The following EPAS1 variants were observed in gnomAD, a reference collection of about 807,000 sequenced individuals.
EPAS1 encodes the protein endothelial PAS domain protein 1, also known as endothelial PAS domain-containing protein 1.
A neutral mutation model predicts 87.9 loss-of-function variants in EPAS1; 23 were observed. The observed-to-expected ratio is 0.26, with a 90% CI of 0.19 to 0.37. The LOEUF is 0.37. Ranked by LOEUF, EPAS1 falls within the 10% of genes least tolerant of loss-of-function variation. EPAS1 has a pLI of 1.00. For missense variants in EPAS1, 1,138 were observed against 1,120.7 expected, an observed-to-expected ratio of 1.02 and a Z score of -0.22; for synonymous variants, 508 against 444.3, an observed-to-expected ratio of 1.14 and a Z score of -1.80.
intron 6 of EPAS1, among the ~76,000 whole-genome samples, chr2:46,367,653 C>T (rs1260339245): frequency 6.6e-6 from 1 of 152,234 alleles, no homozygotes; most frequent in Non-Finnish European, 1.5e-5. Flanking sequence ...CGGGACAGAT[C>T]CTTCTGCTCT....
Position 46,381,653 on chromosome 2 carries a change from C to T in EPAS1, c.2103C>T (p.Ala701=), listed in dbSNP as rs371863860. 3.7e-6 allele frequency: 6 copies of T among 1,613,928 alleles called. No individual in the cohort carries two copies. The South Asian group carries it at 6.6e-5, about 18-fold the overall frequency. The change falls in exon 13 of 16, where the codon GCC becomes GCT. Residue 701 remains alanine (A), a synonymous_variant. Coordinates refer to ENST00000263734, the MANE Select transcript of EPAS1 (RefSeq NM_001430.5). ...GPDVLSPAMV[A]LSNKLKLKRQ... ...ACGTGCTGAGTCCGGCCATGGTAGC[C>T]CTCTCCAACAAGCTGAAGCTGAAGC...
At chr2:46,302,187 A>G (rs1413009292) in intron 1 of EPAS1, among the ~76,000 whole-genome samples, 1 of 148,088 alleles carries the variant, frequency 6.8e-6, no homozygotes, top group Non-Finnish European at 1.5e-5. Context: ...GTGATTCTCA[A>G]CTTTCTAGGA....
intron 2 of EPAS1, among the ~76,000 whole-genome samples, chr2:46,354,374 T>C (rs1684226402): frequency 6.6e-6 from 1 of 152,090 alleles, no homozygotes; most frequent in African/African-American, 2.4e-5. Context: ...TTGATTGATG[T>C]TTGCACTGGA....
chr2:46,380,111 G>A lies in EPAS1; in HGVS notation c.1555-116G>A. ...CCCTCGGGAGCCAGTGGAGGCGTTTGAGCAGCACTGTGAAACAGTGCTTGA... is the reference window on the plus strand; with the variant it reads ...CCCTCGGGAGCCAGTGGAGGCGTTTAAGCAGCACTGTGAAACAGTGCTTGA... On this transcript the variant is annotated intron_variant, in intron 11 of 15. Coordinates refer to ENST00000263734, the MANE Select transcript of EPAS1 (RefSeq NM_001430.5). The surrounding 1 kb of genome is among the most constrained non-coding windows in gnomAD (Gnocchi z 4.4). 6.4e-7 allele frequency: 1 copy of A among 1,556,794 alleles called. No individual in the cohort carries two copies. Among genetic ancestry groups the A allele is most frequent in the East Asian group, 2.2e-5 (1 of 44,672 alleles).
At chr2:46,373,961 T>C (rs1684679081) in intron 7 of EPAS1, among the ~76,000 whole-genome samples, 2 of 152,240 alleles carry the variant, frequency 1.3e-5, no homozygotes, top group Non-Finnish European at 2.9e-5. Flanking sequence ...CCCATGGTGT[T>C]GCCTATGAAA....
rs1031443735 is a variant in EPAS1 at position 46,380,785 on chromosome 2, G to T, written c.2045+68G>T. On this transcript the variant is annotated intron_variant, in intron 12 of 15. Transcript: ENST00000263734. The surrounding 1 kb of genome is among the most constrained non-coding windows in gnomAD (Gnocchi z 4.4). The stretch of plus-strand genomic sequence containing the variant: ...GAGGCACCCACTAGTAAGATAGCTG[G>T]ACCCCCAGGGAGGCCCCTGCCCCTC... The T allele has an allele frequency of 6.3e-7, 1 of 1,598,170 alleles. No homozygotes were observed. Among genetic ancestry groups the T allele is most frequent in the Non-Finnish European group, 8.5e-7 (1 of 1,179,608 alleles).
At chr2:46,374,719 A>G (rs1299129170) in intron 7 of EPAS1, among the ~76,000 whole-genome samples, 1 of 152,216 alleles carries the variant, frequency 6.6e-6, no homozygotes, top group Non-Finnish European at 1.5e-5. Flanking sequence ...GGCAGTTCAG[A>G]AAAATACCAA....
At chr2:46,370,120 C>G (rs374614375) in intron 7 of EPAS1, among the ~76,000 whole-genome samples, 187 bp downstream of exon 7, 1 of 152,176 alleles carries the variant, frequency 6.6e-6, no homozygotes. Context: ...TAGACTCCTT[C>G]GTGCAAATTA....
chr2:46,308,560 C>T (rs1683153436), intron 1 of EPAS1, among the ~76,000 whole-genome samples: 1 of 151,752 alleles, frequency 6.6e-6, no homozygotes, highest in African/African-American at 2.4e-5. Flanking sequence ...GCCTCACAAG[C>T]TCTGCTTTCT....
At chr2:46,383,657 A>T (rs1684949980) in intron 15 of EPAS1, among the ~76,000 whole-genome samples, 2 of 152,242 alleles carry the variant, frequency 1.3e-5, no homozygotes, top group African/African-American at 4.8e-5. Context: ...AAGCCCACGA[A>T]TTACCTTGAA....
At chr2:46,356,031 C>A in intron 2 of EPAS1, 120 bp from the exon 3 acceptor site, 3 of 1,065,886 alleles carry the variant, frequency 2.8e-6, no homozygotes, top group Non-Finnish European at 4.3e-6. Context: ...TGGCAGTATG[C>A]GTTTCCAGAA....
chr2:46,346,893 A>C lies in EPAS1; in HGVS notation c.47A>C (p.Lys16Thr). ...CTTAGGAGTAGCTCGGAGAGGAGGAAGGAGAAGTCCCGGGATGCTGCGCGG... is the reference window on the plus strand; with the variant it reads ...CTTAGGAGTAGCTCGGAGAGGAGGACGGAGAAGTCCCGGGATGCTGCGCGG... ...EKKRSSSERR[K>T]EKSRDAARCR... The change falls in exon 2 of 16, where the codon AAG becomes ACG. Residue 16 changes from lysine to threonine, a missense_variant. Lys to Thr is a moderately conservative substitution (Grantham distance 78). Transcript: ENST00000263734. This position sits in a 1 kb window ranked among gnomAD's most constrained non-coding sequence, Gnocchi z 4.0. 6.2e-7 allele frequency: 1 copy of C among 1,614,190 alleles called. No homozygotes were observed. The highest frequency in any genetic ancestry group is 8.5e-7 in the Non-Finnish European group (1 of 1,180,028).
At chr2:46,318,073 C>A (rs1683375957) in intron 1 of EPAS1, among the ~76,000 whole-genome samples, 1 of 152,100 alleles carries the variant, frequency 6.6e-6, no homozygotes, top group South Asian at 2.1e-4. Flanking sequence ...TGTGACTCTT[C>A]CTTTCATTCG....
rs57351888 is a variant in EPAS1, at chr2:46,359,257, CAA to C, written c.455-1358_455-1357del. Among the ~76,000 whole-genome samples, 21 of 25,094 alleles carry C rather than the reference CAA, an allele frequency of 8.4e-4. 1 individual carries two copies. Among genetic ancestry groups the C allele is most frequent in the Middle Eastern group, 0.026 (1 of 38 alleles). The allele number at this position is 25,094 out of a possible 152,430, so 16.5% of individuals were successfully genotyped here. On this transcript the variant is annotated intron_variant, in intron 4 of 15. Coordinates refer to ENST00000263734, the MANE Select transcript of EPAS1 (RefSeq NM_001430.5). ...CTGGCGACAGAGCAAGATTCTGTCT[CAA>C]AAAAAAAAAAAAAAAAAAAAAAGAT... is the stretch of plus-strand genomic sequence containing the variant.
chr2:46,365,857 G>A (rs920484078), intron 6 of EPAS1, among the ~76,000 whole-genome samples: 4 of 152,238 alleles, frequency 2.6e-5, no homozygotes, highest in South Asian at 2.1e-4. Flanking sequence ...ATCACGGGGT[G>A]CTGAGGAGAG....
chr2:46,382,730 G>A (rs1241001266), intron 15 of EPAS1, 132 bp downstream of exon 15: 2 of 1,211,320 alleles, frequency 1.7e-6, no homozygotes, highest in Non-Finnish European at 2.3e-6. Flanking sequence ...CCTATACAGG[G>A]CTCAGGTCTC....
At chr2:46,370,648 G>A (rs1027757542) in intron 7 of EPAS1, among the ~76,000 whole-genome samples, 5 of 152,240 alleles carry the variant, frequency 3.3e-5, no homozygotes, top group Non-Finnish European at 7.3e-5. Flanking sequence ...AAATGTTCTT[G>A]AAATGTGGCT....
At chr2:46,339,913 G>A (rs1683875705) in intron 1 of EPAS1, among the ~76,000 whole-genome samples, 1 of 152,190 alleles carries the variant, frequency 6.6e-6, no homozygotes, top group Non-Finnish European at 1.5e-5. Flanking sequence ...GGACTTCACT[G>A]TCATGAGTTA....
chr2:46,334,575 T>C (rs1683751894), intron 1 of EPAS1, among the ~76,000 whole-genome samples: 1 of 152,190 alleles, frequency 6.6e-6, no homozygotes, highest in South Asian at 2.1e-4. Flanking sequence ...CAGCCCTGAC[T>C]GTTCAGCCCA....
Sources: gnomAD v4.1 joint callset for allele counts (sites outside exome capture counted in the v4.1 genomes callset) on GRCh38, gnomAD v4.1.1 for gene constraint, Gnocchi (gnomAD v3.1) non-coding constraint, MANE v1.5 for transcripts, NCBI Gene and HGNC (gene_info 2026-07-23, HGNC 2026-07-21) for gene names.